Variants in BAZ1A observed in about 807,000 individuals in gnomAD.
BAZ1A encodes the protein bromodomain adjacent to zinc finger domain 1A.
In BAZ1A, 50 loss-of-function variants were observed where a neutral mutation model predicts 185.2. That is an observed-to-expected ratio of 0.27 (90% CI 0.22 to 0.34). BAZ1A has a LOEUF of 0.34. Among genes scored for constraint, BAZ1A ranks in the 10% least tolerant of loss-of-function variants. BAZ1A has a pLI of 1.00. For missense variants in BAZ1A, 1,356 were observed against 1,839.9 expected, an observed-to-expected ratio of 0.74 and a Z score of 4.81; for synonymous variants, 571 against 615.6, an observed-to-expected ratio of 0.93 and a Z score of 1.07.
At chr14:34,792,624 C>A in intron 12 of BAZ1A, 151 bp downstream of exon 12, 1 of 887,032 alleles carries the variant, frequency 1.1e-6, no homozygotes. Context: ...TAACATAATC[C>A]ATTTGTTGTT....
intron 2 of BAZ1A, among the ~76,000 whole-genome samples, chr14:34,865,821 G>A (rs1030416203): frequency 4.6e-5 from 7 of 152,138 alleles, no homozygotes; most frequent in African/African-American, 1.7e-4. Context: ...AGAAAGGGAA[G>A]GGAAGAATTC....
intron 12 of BAZ1A, chr14:34,786,607 T>TTTTC (rs1880466232): frequency 7.1e-6 from 1 of 140,438 alleles, no homozygotes; most frequent in Admixed American, 7.3e-5. Context: ...TTATGTGTGT[T>TTTTC]TTTTTTTTTT....
intron 3 of BAZ1A, among the ~76,000 whole-genome samples, chr14:34,847,071 T>C (rs1442215273): frequency 6.6e-6 from 1 of 151,970 alleles, no homozygotes; most frequent in Non-Finnish European, 1.5e-5. Flanking sequence ...GCCAACATGG[T>C]GAAACCCCAT....
At chr14:34,870,709 G>T (rs1405495098) in intron 2 of BAZ1A, among the ~76,000 whole-genome samples, 3 of 152,162 alleles carry the variant, frequency 2.0e-5, no homozygotes, top group African/African-American at 7.2e-5. Flanking sequence ...AGCACTATGT[G>T]ATAAACAGTA....
Position 34,874,324 on chromosome 14 carries a change from G to T in BAZ1A, c.113+168C>A. On this transcript the variant is annotated intron_variant, in intron 2 of 26. Coordinates refer to ENST00000360310, the MANE Select transcript of BAZ1A (RefSeq NM_013448.3). The surrounding 1 kb of genome is among the most constrained non-coding windows in gnomAD (Gnocchi z 4.7). ...GCGCCGCCGCCAGTTGGCCCCGCGCGTTCTCCAGGTGGAGGCCAGGAGGCA... is the reference window on the plus strand; with the variant it reads ...GCGCCGCCGCCAGTTGGCCCCGCGCTTTCTCCAGGTGGAGGCCAGGAGGCA... 1.6e-6 allele frequency: 1 copy of T among 614,256 alleles called. No individual in the cohort carries two copies. 38.1% of individuals were successfully genotyped at this position (614,256 alleles called of 1,614,324 possible). A position where few individuals can be genotyped will look rare whatever the true frequency, so the allele number is the denominator to read the frequency against.
At chr14:34,774,971 T>C (rs1416049658) in intron 18 of BAZ1A, among the ~76,000 whole-genome samples, 2 of 152,148 alleles carry the variant, frequency 1.3e-5, no homozygotes, top group Non-Finnish European at 2.9e-5. Context: ...TCCCAGCACT[T>C]TGGGAGACCA....
At chr14:34,823,906 C>A (rs920107106) in intron 4 of BAZ1A, among the ~76,000 whole-genome samples, 1 of 151,962 alleles carries the variant, frequency 6.6e-6, no homozygotes, top group Non-Finnish European at 1.5e-5. Flanking sequence ...ATAACTAACT[C>A]CATTTAAAGG....
chr14:34,815,151 T>C (rs2041987775), intron 4 of BAZ1A, among the ~76,000 whole-genome samples: 1 of 152,244 alleles, frequency 6.6e-6, no homozygotes, highest in Non-Finnish European at 1.5e-5. Context: ...TTTACTTTTC[T>C]TGCCGTACCA....
At position 34,753,692 on chromosome 14, in the gene BAZ1A, T is replaced by A. The variant is rs1482693371; in HGVS notation, c.4487A>T (p.Asp1496Val). 1 of 1,579,628 alleles carries A rather than the reference T, an allele frequency of 6.3e-7. No homozygotes were observed. Among genetic ancestry groups the A allele is most frequent in the South Asian group, 1.2e-5 (1 of 86,806 alleles). Reference sequence around the variant, plus strand: ...GTTCGAAAACATTAACTCAATGTCATCAATAAACTCAGCTAGAAAGGGAAA... The same window carrying A: ...GTTCGAAAACATTAACTCAATGTCAACAATAAACTCAGCTAGAAAGGGAAA... ...CEYKLASEFIDDIELMFSNCF... is the reference protein window; with the variant it reads ...CEYKLASEFIVDIELMFSNCF... The change falls in exon 27 of 27, where the codon GAT becomes GTT. Residue 1496 changes from aspartate (D) to valine (V), a missense_variant. Physicochemically the swap from Asp to Val is radical, Grantham distance 152 (BLOSUM62 -3). Transcript: ENST00000360310.
chr14:34,761,556 C>T (rs1038197210), intron 24 of BAZ1A, among the ~76,000 whole-genome samples: 1 of 152,170 alleles, frequency 6.6e-6, no homozygotes, highest in Non-Finnish European at 1.5e-5. Context: ...CCCTGCTTCA[C>T]TAGTAGAAAT....
chr14:34,866,502 A>AAGAAAG, intron 2 of BAZ1A, among the ~76,000 whole-genome samples: 6 of 79,570 alleles, frequency 7.5e-5, no homozygotes, highest in South Asian at 4.5e-4. Flanking sequence ...AAAAAAAAAA[A>AAGAAAG]GAAAAAAGTT....
At chr14:34,823,156 C>A (rs2042112372) in intron 4 of BAZ1A, among the ~76,000 whole-genome samples, 2 of 151,992 alleles carry the variant, frequency 1.3e-5, no homozygotes, top group Non-Finnish European at 2.9e-5. Flanking sequence ...GAGTTCAAGA[C>A]CTGCCTGGCC....
Position 34,776,330 on chromosome 14 carries a change from C to T in BAZ1A, c.2422G>A (p.Asp808Asn). The stretch of plus-strand genomic sequence containing the variant: ...ATCCAGTATCGTCTATACATGCGGT[C>T]GCGACCCAAGGGAAAGATATTGGTA... ...ACTNIFPLGR[D>N]RMYRRYWIFP... is the part of the protein sequence containing the mutation. Residue 808 changes from aspartate to asparagine, a missense_variant, in exon 18 of 27, where the codon GAC becomes AAC. Transcript: ENST00000360310. The T allele has an allele frequency of 6.2e-7, 1 of 1,614,048 alleles. No individual in the cohort carries two copies. The highest frequency in any genetic ancestry group is 8.5e-7 in the Non-Finnish European group (1 of 1,180,000).
chr14:34,864,228 C>T (rs2042817705), intron 2 of BAZ1A, among the ~76,000 whole-genome samples: 1 of 152,006 alleles, frequency 6.6e-6, no homozygotes, highest in African/African-American at 2.4e-5. Flanking sequence ...ACTGCAAATT[C>T]TGCCTCCCTG....
chr14:34,861,856 T>C (rs944470361), intron 3 of BAZ1A, among the ~76,000 whole-genome samples, 188 bp downstream of exon 3: 3 of 152,186 alleles, frequency 2.0e-5, no homozygotes, highest in Non-Finnish European at 4.4e-5. Context: ...ATGTTTTTGG[T>C]GGCATATATA....
intron 17 of BAZ1A, among the ~76,000 whole-genome samples, chr14:34,779,445 A>G (rs765743003): frequency 6.8e-6 from 1 of 146,890 alleles, no homozygotes; most frequent in Non-Finnish European, 1.5e-5. Context: ...AGCTCTGATC[A>G]TATTAGGTTT....
At chr14:34,855,014 G>A (rs961168309) in intron 3 of BAZ1A, among the ~76,000 whole-genome samples, 2 of 152,050 alleles carry the variant, frequency 1.3e-5, no homozygotes, top group African/African-American at 2.4e-5. Flanking sequence ...AGTAGGCGGA[G>A]GTTGCAGTGA....
At chr14:34,849,206 C>CTT (rs1406226612) in intron 3 of BAZ1A, among the ~76,000 whole-genome samples, 5 of 152,152 alleles carry the variant, frequency 3.3e-5, no homozygotes, top group Admixed American at 3.3e-4. Flanking sequence ...AGAAGGATTG[C>CTT]TTGAGCCTAG....
rs750455405 is a variant in BAZ1A at position 34,862,029 on chromosome 14, T to C, written c.392+15A>G. ...AATATAAACTTACCAAGAGGAAAAATTAAAAGTACTTTACCTTGCACCATT... is the reference window on the plus strand; with the variant it reads ...AATATAAACTTACCAAGAGGAAAAACTAAAAGTACTTTACCTTGCACCATT... On this transcript the variant is annotated intron_variant, in intron 3 of 26. Transcript: ENST00000360310. The C allele has an allele frequency of 1.6e-5, 26 of 1,606,020 alleles. No individual in the cohort carries two copies. The highest frequency in any genetic ancestry group is 1.8e-5 in the Non-Finnish European group (21 of 1,175,536).
Sources: gnomAD v4.1 joint callset for allele counts (sites outside exome capture counted in the v4.1 genomes callset) on GRCh38, gnomAD v4.1.1 for gene constraint, Gnocchi (gnomAD v3.1) non-coding constraint, MANE v1.5 for transcripts, NCBI Gene and HGNC (gene_info 2026-07-23, HGNC 2026-07-21) for gene names.